Variants in ASCC3 observed in about 807,000 individuals in gnomAD.
The protein encoded by ASCC3 is ASC-1 complex subunit P200.
Under a neutral mutation model 256.3 loss-of-function variants are expected in ASCC3, and 158 were observed. That is an observed-to-expected ratio of 0.62 (90% CI 0.54 to 0.70). ASCC3 has a LOEUF of 0.70. ASCC3 is among the 30% of genes least tolerant of loss of function. ASCC3 has a pLI of 0.00. For synonymous variants in ASCC3, 948 were observed against 883.4 expected, an observed-to-expected ratio of 1.07 and a Z score of -1.30; for missense variants, 2,259 against 2,626.0, an observed-to-expected ratio of 0.86 and a Z score of 3.05.
intron 1 of ASCC3, among the ~76,000 whole-genome samples, chr6:100,879,917 T>C (rs1380271530): frequency 6.6e-6 from 1 of 152,188 alleles, no homozygotes; most frequent in Non-Finnish European, 1.5e-5. Flanking sequence ...TACAGATCCA[T>C]GGCATGAGAA....
intron 36 of ASCC3, among the ~76,000 whole-genome samples, chr6:100,573,872 A>T (rs914188522): frequency 6.6e-6 from 1 of 152,156 alleles, no homozygotes; most frequent in Non-Finnish European, 1.5e-5. Context: ...TGCGATTTAA[A>T]AATGTTTAGT....
In ASCC3 at chr6:100,589,981, T is replaced by C. The variant is rs1344444795; in HGVS notation, c.5382A>G (p.Glu1794=). ...LSHLIEKSLI[E]LELSYCIEIG... The stretch of plus-strand genomic sequence containing the variant: ...TTTCAATACAGTAGGAAAGTTCCAA[T>C]TCAATCAGGGACTTCTCAATCAGAT... The change falls in exon 35 of 42, where the codon GAA becomes GAG. Residue 1794 remains glutamate (E), a synonymous_variant. Coordinates refer to ENST00000369162, the MANE Select transcript of ASCC3 (RefSeq NM_006828.4). The C allele has an allele frequency of 6.2e-7, 1 of 1,613,558 alleles. No individual in the cohort carries two copies. The highest frequency in any genetic ancestry group is 1.7e-5 in the Admixed American group (1 of 59,968).
intron 36 of ASCC3, among the ~76,000 whole-genome samples, chr6:100,542,506 C>G (rs1775510274): frequency 6.6e-6 from 1 of 151,998 alleles, no homozygotes. Context: ...CATGGTGAAA[C>G]CTCATCTCTA....
intron 13 of ASCC3, among the ~76,000 whole-genome samples, chr6:100,706,470 C>A (rs1778589157): frequency 6.6e-6 from 1 of 151,478 alleles, no homozygotes; most frequent in African/African-American, 2.4e-5. Flanking sequence ...GTTCCAAGTT[C>A]CTGAAAACAA....
intron 36 of ASCC3, among the ~76,000 whole-genome samples, chr6:100,554,988 T>C (rs956077939): frequency 7.2e-5 from 11 of 151,920 alleles, no homozygotes; most frequent in Admixed American, 5.2e-4. Flanking sequence ...ATTCAAACTT[T>C]ATAAATCATA....
intron 1 of ASCC3, among the ~76,000 whole-genome samples, chr6:100,874,009 G>T (rs541409190): frequency 6.6e-6 from 1 of 152,272 alleles, no homozygotes; most frequent in South Asian, 2.1e-4. Context: ...ATTTTTATTT[G>T]ATGTGTTTTC....
intron 4 of ASCC3, among the ~76,000 whole-genome samples, chr6:100,844,443 A>G (rs1279900491): frequency 2.0e-5 from 3 of 151,936 alleles, no homozygotes; most frequent in African/African-American, 7.3e-5. Flanking sequence ...AAAGTCCATT[A>G]GTTATACCAT....
intron 13 of ASCC3, among the ~76,000 whole-genome samples, chr6:100,714,566 G>T (rs1779000682): frequency 6.6e-6 from 1 of 152,100 alleles, no homozygotes; most frequent in South Asian, 2.1e-4. Context: ...AGGTTGCAGA[G>T]AAAATTCAAT....
chr6:100,690,335 T>C (rs896789851), intron 13 of ASCC3, among the ~76,000 whole-genome samples: 1 of 152,140 alleles, frequency 6.6e-6, no homozygotes, highest in Non-Finnish European at 1.5e-5. Flanking sequence ...TGTGAAGTTG[T>C]TGAATCCACA....
chr6:100,610,581 A>G (rs1440925875), intron 30 of ASCC3, among the ~76,000 whole-genome samples: 2 of 152,188 alleles, frequency 1.3e-5, no homozygotes, highest in African/African-American at 4.8e-5. Context: ...CATACACATA[A>G]GAAATGTTAT....
intron 34 of ASCC3, among the ~76,000 whole-genome samples, chr6:100,592,991 T>C (rs1271769389): frequency 6.6e-6 from 1 of 152,118 alleles, no homozygotes. Context: ...TGCTATTTCA[T>C]TTATTTCACA....
At chr6:100,794,510 T>C (rs1043610849) in intron 8 of ASCC3, among the ~76,000 whole-genome samples, 2 of 152,038 alleles carry the variant, frequency 1.3e-5, no homozygotes, top group Admixed American at 1.3e-4. Context: ...TCTGCTGCCA[T>C]AGAACTTTGT....
intron 13 of ASCC3, among the ~76,000 whole-genome samples, chr6:100,689,413 T>C (rs961901582): frequency 6.6e-6 from 1 of 152,190 alleles, no homozygotes; most frequent in African/African-American, 2.4e-5. Context: ...TTCAGAAGAA[T>C]AGGGAGTTCA....
chr6:100,565,993 T>C (rs1057014703), intron 36 of ASCC3, among the ~76,000 whole-genome samples: 1 of 152,156 alleles, frequency 6.6e-6, no homozygotes, highest in Non-Finnish European at 1.5e-5. Context: ...GCTCTTCTGA[T>C]GGTCAAGGAG....
At chr6:100,672,097 T>C (rs1385174214) in intron 14 of ASCC3, among the ~76,000 whole-genome samples, 2 of 152,062 alleles carry the variant, frequency 1.3e-5, no homozygotes, top group Non-Finnish European at 2.9e-5. Context: ...TGTCACTTTG[T>C]TGGTCAACAC....
chr6:100,532,401 TATATA>T (rs1179215517), intron 37 of ASCC3, among the ~76,000 whole-genome samples: 129 of 48,318 alleles, frequency 2.7e-3, no homozygotes, highest in Admixed American at 2.3e-3. Flanking sequence ...TATATATATA[TATATA>T]TTTTTTTTTT....
At chr6:100,846,014 T>C (rs1772365351) in intron 4 of ASCC3, among the ~76,000 whole-genome samples, 1 of 152,150 alleles carries the variant, frequency 6.6e-6, no homozygotes, top group Non-Finnish European at 1.5e-5. Context: ...AATATTCCTA[T>C]TTAAATAAAG....
intron 8 of ASCC3, among the ~76,000 whole-genome samples, chr6:100,772,466 TAC>T (rs2115146687): frequency 6.6e-6 from 1 of 152,340 alleles, no homozygotes; most frequent in Admixed American, 6.5e-5. Flanking sequence ...AATGGAATAC[TAC>T]ACAGCATTAA....
intron 36 of ASCC3, among the ~76,000 whole-genome samples, chr6:100,545,649 T>A (rs934546014): frequency 6.6e-6 from 1 of 152,218 alleles, no homozygotes; most frequent in African/African-American, 2.4e-5. Context: ...TGAAATGTAG[T>A]GGCACAATCA....
Sources: gnomAD v4.1 joint callset for allele counts (sites outside exome capture counted in the v4.1 genomes callset) on GRCh38, gnomAD v4.1.1 for gene constraint, MANE v1.5 for transcripts, NCBI Gene and HGNC (gene_info 2026-07-23, HGNC 2026-07-21) for gene names.